APLP1: variants seen among roughly 807,000 people sequenced by gnomAD.
The protein encoded by APLP1 is amyloid beta (A4) precursor-like protein 1.
A neutral mutation model predicts 84.5 loss-of-function variants in APLP1; 46 were observed. The ratio of observed to expected loss-of-function variants is 0.54; its 90% CI spans 0.43 to 0.70. The LOEUF is 0.70. Ranked by LOEUF, APLP1 falls within the 30% of genes least tolerant of loss-of-function variation. The probability of loss-of-function intolerance (pLI) is 0.00; values close to 1 mark genes in which losing one functional copy is unlikely to be tolerated. For missense variants in APLP1, 826 were observed against 900.2 expected (o/e 0.92, Z 1.05); for synonymous variants, 376 against 364.0 (o/e 1.03, Z -0.38).
At chr19:35,873,405 G>A (rs145129258) in intron 7 of APLP1, among the ~76,000 whole-genome samples, 5 of 151,588 alleles carry the variant, frequency 3.3e-5, no homozygotes, top group East Asian at 3.9e-4. Context: ...CCACCACAGC[G>A]CCCAGATAAT....
At chr19:35,876,790 C>G (rs575341862) in intron 11 of APLP1, among the ~76,000 whole-genome samples, 174 bp downstream of exon 11, 1 of 152,240 alleles carries the variant, frequency 6.6e-6, no homozygotes, top group Non-Finnish European at 1.5e-5. Flanking sequence ...GGTCTGCGCT[C>G]AGCAGAGTGG....
intron 7 of APLP1, among the ~76,000 whole-genome samples, chr19:35,872,952 C>T (rs570896435): frequency 1.6e-4 from 24 of 152,116 alleles, no homozygotes; most frequent in South Asian, 4.2e-4. Context: ...CTCTGCCTCC[C>T]GGGCTCCAGC....
At chr19:35,872,454 G>T in intron 6 of APLP1, 29 bp from the exon 7 acceptor site, 1 of 1,605,840 alleles carries the variant, frequency 6.2e-7, no homozygotes, top group South Asian at 1.1e-5. Flanking sequence ...GTGGGCTGCA[G>T]ACTGACCTCC....
intron 4 of APLP1, 45 bp from the exon 5 acceptor site, chr19:35,871,567 C>A (rs748192797): frequency 1.9e-6 from 3 of 1,610,882 alleles, no homozygotes; most frequent in Non-Finnish European, 2.5e-6. Flanking sequence ...CCATCTACCC[C>A]CTCCCATCCC....
intron 7 of APLP1, among the ~76,000 whole-genome samples, chr19:35,872,853 T>C (rs559844688): frequency 6.6e-6 from 1 of 151,940 alleles, no homozygotes; most frequent in Non-Finnish European, 1.5e-5. Flanking sequence ...TTGGTTTTTT[T>C]TTTTTTCTTT....
chr19:35,871,167 T>C, intron 3 of APLP1, 70 bp from the exon 4 acceptor site: 1 of 1,553,496 alleles, frequency 6.4e-7, no homozygotes, highest in Middle Eastern at 1.7e-4. Context: ...GGATAAAATA[T>C]CTGGATTCTG....
At position 35,872,528 on chromosome 19, in the gene APLP1, G is replaced by C; in HGVS notation, c.896G>C (p.Gly299Ala). 1 of 1,613,858 alleles carries C rather than the reference G, an allele frequency of 6.2e-7. No individual in the cohort carries two copies. Among genetic ancestry groups the C allele is most frequent in the Non-Finnish European group, 8.5e-7 (1 of 1,179,888 alleles). The part of the protein sequence containing the change: ...RPTDGVDIYF[G>A]MPGEISEHEG... Reference sequence around the variant, plus strand: ...ACAGACGGTGTGGATATTTACTTTGGCATGCCTGGGGAAATCAGTGAGCAC... The same window carrying C: ...ACAGACGGTGTGGATATTTACTTTGCCATGCCTGGGGAAATCAGTGAGCAC... The change falls in exon 7 of 17, where the codon GGC becomes GCC. Residue 299 changes from glycine (G) to alanine (A), a missense_variant. This residue lies in a region of APLP1 where 433 missense variants were observed against 496.5 expected (regional missense o/e 0.87). Coordinates refer to ENST00000221891, the MANE Select transcript of APLP1 (RefSeq NM_001024807.3).
At position 35,874,612 on chromosome 19, in the gene APLP1, C is replaced by A; in HGVS notation, c.1165C>A (p.Arg389=). 3 of 1,613,966 alleles carry A rather than the reference C, an allele frequency of 1.9e-6. No homozygotes were observed. Among genetic ancestry groups the A allele is most frequent in the Non-Finnish European group, 2.5e-6 (3 of 1,180,042 alleles). The change falls in exon 9 of 17, where the codon CGG becomes AGG. Residue 389 remains arginine, a synonymous_variant. Transcript: ENST00000221891. This position sits in a 1 kb window ranked among gnomAD's most constrained non-coding sequence, Gnocchi z 6.4. The stretch of plus-strand genomic sequence containing the variant: ...CATCGCCCTTATCAACGACCAGCGC[C>A]GGGCTGCCTTGGAGGGCTTCCTGGC... ...RVIALINDQR[R]AALEGFLAAL...
Position 35,879,225 on chromosome 19 carries a change from C to T in APLP1, c.1857+8C>T, listed in dbSNP as rs1251626387. 2 of 1,611,556 alleles carry T rather than the reference C, an allele frequency of 1.2e-6. No individual in the cohort carries two copies. The highest frequency in any genetic ancestry group is 4.5e-5 in the East Asian group (2 of 44,860). On this transcript the variant is annotated splice_region_variant and intron_variant, in intron 16 of 16. Coordinates refer to ENST00000221891, the MANE Select transcript of APLP1 (RefSeq NM_001024807.3). ...AGCCATGGCGTGGTGGAGGTGAGAA[C>T]CATGGCGTGGTGGAGGTGTGGGAAG...
In APLP1 at chr19:35,872,491, ACC is replaced by A; in HGVS notation, c.862_863del (p.Pro288GlufsTer18). The A allele has an allele frequency of 6.2e-7, 1 of 1,612,396 alleles. No homozygotes were observed. The highest frequency in any genetic ancestry group is 8.5e-7 in the Non-Finnish European group (1 of 1,179,490). On this transcript the variant is annotated frameshift_variant, in exon 7 of 17. Transcript: ENST00000221891. LOFTEE classifies it high-confidence loss of function. Reference protein sequence around the residue: ...TLAVVGKVTPTPRPTDGVDIY... With the variant: ...TLAVVGKVTPXPRPTDGVDIY... ...GATCCCTGGTCTTGCAGTCACTCCC[ACC>A]CCGAGGCCCACAGACGGTGTGGATA...
At chr19:35,871,559 A>C in intron 4 of APLP1, 53 bp from the exon 5 acceptor site, 1 of 1,606,872 alleles carries the variant, frequency 6.2e-7, no homozygotes, top group Non-Finnish European at 8.5e-7. Context: ...CCAGTTCCCC[A>C]TCTACCCCCT....
chr19:35,878,037 C>G (rs761064865), intron 12 of APLP1, 45 bp from the exon 13 acceptor site: 1 of 1,596,402 alleles, frequency 6.3e-7, no homozygotes, highest in Non-Finnish European at 8.6e-7. Flanking sequence ...TGCTGATACC[C>G]TCCTCTCTTC....
rs1032017064 is a variant in APLP1 at position 35,879,484 on chromosome 19, C to A, written c.*43C>A. ...CTTCAGCCGAGCCCAGACCTCCCCTCTTCCTGGAGCCCCAGAACCCCAACT... is the reference window on the plus strand; with the variant it reads ...CTTCAGCCGAGCCCAGACCTCCCCTATTCCTGGAGCCCCAGAACCCCAACT... On this transcript the variant is annotated 3_prime_UTR_variant, in exon 17 of 17. Coordinates refer to ENST00000221891, the MANE Select transcript of APLP1 (RefSeq NM_001024807.3). 1 of 1,571,198 alleles carries A rather than the reference C, an allele frequency of 6.4e-7. No homozygotes were observed. The highest frequency in any genetic ancestry group is 1.7e-5 in the Admixed American group (1 of 59,468).
chr19:35,879,239 A>C, intron 16 of APLP1, 22 bp downstream of exon 16: 1 of 1,609,960 alleles, frequency 6.2e-7, no homozygotes, highest in Non-Finnish European at 8.5e-7. Context: ...GGCGTGGTGG[A>C]GGTGTGGGAA....
In APLP1 at chr19:35,878,098, C is replaced by G. The variant is rs769351754; in HGVS notation, c.1569C>G (p.Thr523=). ...GGCTGCCAGCAGACACCCCCATGACCCTTCCAAAAGGTGAGTGTCTCACAG... is the reference window on the plus strand; with the variant it reads ...GGCTGCCAGCAGACACCCCCATGACGCTTCCAAAAGGTGAGTGTCTCACAG... ...PDSKDADTPM[T]LPKGSTEQDA... Residue 523 remains threonine, a synonymous_variant, in exon 13 of 17, where the codon ACC becomes ACG. Coordinates refer to ENST00000221891, the MANE Select transcript of APLP1 (RefSeq NM_001024807.3). 6.2e-7 allele frequency: 1 copy of G among 1,612,892 alleles called. No homozygotes were observed. Among genetic ancestry groups the G allele is most frequent in the African/African-American group, 1.3e-5 (1 of 74,834 alleles).
rs1310536458 is a variant in APLP1, at chr19:35,869,728, G to A, written c.209G>A (p.Arg70His). The change falls in exon 2 of 17, where the codon CGC becomes CAC. Residue 70 changes from arginine (R) to histidine (H), a missense_variant. This residue lies in a region of APLP1 where 383 missense variants were observed against 378.3 expected (regional missense o/e 1.01). Transcript: ENST00000221891. ...CGCCTAACCCTTCACCGGGACCTGC[G>A]CACCGGCCGCTGGGAACCAGACCCA... ...CGRLTLHRDL[R>H]TGRWEPDPQR... 5.0e-6 allele frequency: 8 copies of A among 1,610,982 alleles called. No homozygotes were observed. Among genetic ancestry groups the A allele is most frequent in the Non-Finnish European group, 6.8e-6 (8 of 1,179,332 alleles).
Position 35,879,094 on chromosome 19 carries a change from G to A in APLP1, c.1734G>A (p.Val578=), listed in dbSNP as rs1350278816. 2 of 1,612,154 alleles carry A rather than the reference G, an allele frequency of 1.2e-6. No homozygotes were observed. Among genetic ancestry groups the A allele is most frequent in the East Asian group, 2.2e-5 (1 of 44,880 alleles). ...RDELAPAGTG[V]SREAVSGLLI... ...TGCAGGCACCAGCTGGGACAGGGGT[G>A]TCCCGTGAGGCTGTGTCGGGTCTGC... The change falls in exon 16 of 17, where the codon GTG becomes GTA. Residue 578 remains valine (V), a synonymous_variant. Coordinates refer to ENST00000221891, the MANE Select transcript of APLP1 (RefSeq NM_001024807.3).
Position 35,871,298 on chromosome 19 carries a change from G to A in APLP1, c.486G>A (p.Glu162=). ...AAGGCTGCCGGTTCTTGCACCAGGA[G>A]CGCATGGACCAATGTGAGAGTTCAA... The part of the protein sequence containing the change: ...VPEGCRFLHQ[E]RMDQCESSTR... Residue 162 remains glutamate (E), a synonymous_variant, in exon 4 of 17, where the codon GAG becomes GAA. Transcript: ENST00000221891. The A allele has an allele frequency of 1.9e-6, 3 of 1,613,600 alleles. No individual in the cohort carries two copies. Among genetic ancestry groups the A allele is most frequent in the South Asian group, 1.1e-5 (1 of 90,934 alleles).
In APLP1 at chr19:35,871,718, C is replaced by T. The variant is rs768149857; in HGVS notation, c.644C>T (p.Thr215Ile). The T allele has an allele frequency of 6.2e-7, 1 of 1,614,010 alleles. No individual in the cohort carries two copies. The highest frequency in any genetic ancestry group is 8.5e-7 in the Non-Finnish European group (1 of 1,180,006). Reference protein sequence around the residue: ...VEYVCCPPPGTPDPSGTAVGD... With the variant: ...VEYVCCPPPGIPDPSGTAVGD... ...TATGTGTGCTGTCCCCCTCCAGGGACCCCCGACCCATCTGGGACAGCAGTT... is the reference window on the plus strand; with the variant it reads ...TATGTGTGCTGTCCCCCTCCAGGGATCCCCGACCCATCTGGGACAGCAGTT... Residue 215 changes from threonine (T) to isoleucine (I), a missense_variant, in exon 5 of 17, where the codon ACC becomes ATC. Physicochemically the swap from Thr to Ile is moderately conservative, Grantham distance 89 (BLOSUM62 -1). Transcript: ENST00000221891.
Sources: gnomAD v4.1 joint callset for allele counts (sites outside exome capture counted in the v4.1 genomes callset) on GRCh38, gnomAD v4.1.1 for gene constraint, gnomAD v4.1.1 regional missense constraint, Gnocchi (gnomAD v3.1) non-coding constraint, MANE v1.5 for transcripts, NCBI Gene and HGNC (gene_info 2026-07-23, HGNC 2026-07-21) for gene names.